Variants in SNTG1 observed in about 807,000 individuals in gnomAD.
SNTG1 encodes the protein syntrophin gamma 1.
SNTG1 carries 39 observed loss-of-function variants against 74.7 expected under a neutral mutation model. The observed-to-expected ratio is 0.52, with a 90% CI of 0.40 to 0.68. SNTG1 has a LOEUF of 0.68. Ranked by LOEUF, SNTG1 falls within the 30% of genes least tolerant of loss-of-function variation. SNTG1 has a pLI of 0.00. For synonymous variants in SNTG1, 254 were observed against 217.1 expected, an observed-to-expected ratio of 1.17 and a Z score of -1.49; for missense variants, 685 against 609.5, an observed-to-expected ratio of 1.12 and a Z score of -1.30.
At chr8:50,511,068 C>T (rs1221667992) in intron 9 of SNTG1, among the ~76,000 whole-genome samples, 1 of 152,106 alleles carries the variant, frequency 6.6e-6, no homozygotes, top group African/African-American at 2.4e-5. Context: ...TATAAATTTC[C>T]CTCTACACAC....
intron 17 of SNTG1, among the ~76,000 whole-genome samples, chr8:50,719,409 T>C (rs978914209): frequency 1.3e-5 from 2 of 152,152 alleles, no homozygotes; most frequent in African/African-American, 4.8e-5. Flanking sequence ...GAGAATGACC[T>C]TTCACCAGAC....
At chr8:50,761,099 T>A (rs2095597366) in intron 18 of SNTG1, among the ~76,000 whole-genome samples, 1 of 151,956 alleles carries the variant, frequency 6.6e-6, no homozygotes, top group South Asian at 2.1e-4. Flanking sequence ...ATATCCCTCA[T>A]GAACATTGAT....
chr8:50,146,418 T>C (rs1275978614), intron 1 of SNTG1, among the ~76,000 whole-genome samples: 2 of 152,108 alleles, frequency 1.3e-5, no homozygotes, highest in Non-Finnish European at 2.9e-5. Flanking sequence ...CTTGGGAGGC[T>C]GAGACAGGAG....
chr8:50,312,264 C>T (rs2090141887), intron 2 of SNTG1, among the ~76,000 whole-genome samples: 1 of 151,940 alleles, frequency 6.6e-6, no homozygotes, highest in Non-Finnish European at 1.5e-5. Context: ...TTTAGTTCCC[C>T]CCATCTATCT....
intron 2 of SNTG1, among the ~76,000 whole-genome samples, chr8:50,283,731 T>A (rs1248994385): frequency 6.6e-6 from 1 of 152,168 alleles, no homozygotes; most frequent in Non-Finnish European, 1.5e-5. Context: ...AGTTCTGTAT[T>A]TCCCAAGCTG....
At chr8:50,387,050 C>T (rs1029476115) in intron 2 of SNTG1, among the ~76,000 whole-genome samples, 4 of 152,044 alleles carry the variant, frequency 2.6e-5, no homozygotes, top group Non-Finnish European at 5.9e-5. Flanking sequence ...ATTTAGTAGG[C>T]TTCCTGTCTA....
At chr8:50,764,318 C>G (rs2095608010) in intron 18 of SNTG1, among the ~76,000 whole-genome samples, 1 of 151,818 alleles carries the variant, frequency 6.6e-6, no homozygotes, top group Non-Finnish European at 1.5e-5. Flanking sequence ...AGAAAATGAA[C>G]AGAGTGATGA....
intron 1 of SNTG1, among the ~76,000 whole-genome samples, chr8:49,939,633 T>A (rs1287753527): frequency 6.6e-6 from 1 of 152,244 alleles, no homozygotes; most frequent in African/African-American, 2.4e-5. Context: ...TCCTGCTATG[T>A]CTTTTGAGTT....
chr8:50,189,802 G>C (rs948357318), intron 2 of SNTG1, among the ~76,000 whole-genome samples: 2 of 152,094 alleles, frequency 1.3e-5, no homozygotes, highest in African/African-American at 4.8e-5. Flanking sequence ...ATAAAATATA[G>C]TGTTTTTCAA....
intron 1 of SNTG1, among the ~76,000 whole-genome samples, chr8:50,158,182 G>T (rs936392474): frequency 6.6e-6 from 1 of 152,074 alleles, no homozygotes; most frequent in South Asian, 2.1e-4. Context: ...ATCAGGTTCA[G>T]ATTATGGTAG....
intron 17 of SNTG1, among the ~76,000 whole-genome samples, chr8:50,709,710 T>G (rs1431405539): frequency 1.3e-5 from 2 of 152,202 alleles, no homozygotes; most frequent in Non-Finnish European, 2.9e-5. Context: ...ACTGCTAATC[T>G]CCTTCTAGTC....
intron 18 of SNTG1, among the ~76,000 whole-genome samples, chr8:50,787,284 T>C (rs1267967506): frequency 6.6e-6 from 1 of 151,696 alleles, no homozygotes; most frequent in Non-Finnish European, 1.5e-5. Flanking sequence ...CACAGTAAAA[T>C]ACAGCTTCCC....
intron 2 of SNTG1, among the ~76,000 whole-genome samples, chr8:50,250,095 A>G (rs531123375): frequency 6.6e-6 from 1 of 151,994 alleles, no homozygotes; most frequent in Non-Finnish European, 1.5e-5. Flanking sequence ...CAATTATGAT[A>G]TGAACGAAAA....
chr8:50,331,221 C>T (rs971804310), intron 2 of SNTG1, among the ~76,000 whole-genome samples: 7 of 152,068 alleles, frequency 4.6e-5, no homozygotes, highest in African/African-American at 1.4e-4. Context: ...ACATGTGGTA[C>T]GCTTGTTGTA....
intron 2 of SNTG1, among the ~76,000 whole-genome samples, chr8:50,387,000 CTCAACCTAGAATTCATTTGCTTGTACTGA>C (rs1299391043): frequency 2.6e-5 from 4 of 152,144 alleles, no homozygotes; most frequent in Non-Finnish European, 4.4e-5. Context: ...AGAATTTTCA[CTCAACCTAGAATTCATTTGCTTGTACTGA>C]TCAAATAAAA....
chr8:50,488,939 C>G (rs2093824161), intron 8 of SNTG1, among the ~76,000 whole-genome samples: 1 of 152,104 alleles, frequency 6.6e-6, no homozygotes, highest in Non-Finnish European at 1.5e-5. Context: ...CCCCCCACCC[C>G]ACAACAGGCC....
chr8:50,444,942 A>C (rs1395294004), intron 5 of SNTG1, among the ~76,000 whole-genome samples: 1 of 152,150 alleles, frequency 6.6e-6, no homozygotes, highest in African/African-American at 2.4e-5. Flanking sequence ...TAAAGTGTAC[A>C]ATTAAATTGT....
chr8:50,334,099 G>A lies in SNTG1; in HGVS notation c.-27-60113G>A. Among the ~76,000 whole-genome samples, 3 of 152,218 alleles carry A rather than the reference G, an allele frequency of 2.0e-5. 1 individual carries two copies. On this transcript the variant is annotated intron_variant, in intron 2 of 18. Coordinates refer to ENST00000642720, the MANE Select transcript of SNTG1 (RefSeq NM_018967.5). ...TTTAGTAGAGATGGGGTTTTGCCAT[G>A]TTGGCCAGGCTGGTCTAGAACTCCT...
rs745975837 is a variant in SNTG1, at chr8:49,920,248, C to T, written c.-103+8017C>T. Among the ~76,000 whole-genome samples, 6 of 151,926 alleles carry T rather than the reference C, an allele frequency of 3.9e-5. No individual in the cohort carries two copies. In the South Asian group the frequency reaches 6.2e-4, roughly 16 times the overall value. Reference sequence around the variant, plus strand: ...GTAACCCTACACTTTAGTTTCCGTTCGTAATACTATTTTCTCACATTCTAT... The same window carrying T: ...GTAACCCTACACTTTAGTTTCCGTTTGTAATACTATTTTCTCACATTCTAT... On this transcript the variant is annotated intron_variant, in intron 1 of 18. Coordinates refer to ENST00000642720, the MANE Select transcript of SNTG1 (RefSeq NM_018967.5).
Sources: allele counts gnomAD v4.1 joint callset (sites outside exome capture counted in the v4.1 genomes callset), GRCh38; gene constraint gnomAD v4.1.1; transcripts MANE v1.5; gene names NCBI Gene and HGNC (gene_info 2026-07-23, HGNC 2026-07-21).